The following PHF20 variants were observed in gnomAD, a reference collection of about 807,000 sequenced individuals.
PHF20 encodes PHD finger protein 20, also known as glioma-expressed antigen 2.
In PHF20, 23 loss-of-function variants were observed where a neutral mutation model predicts 113.5. That is an observed-to-expected ratio of 0.20 (90% CI 0.15 to 0.29). The LOEUF (loss-of-function observed/expected upper bound fraction) is 0.29. Among genes scored for constraint, PHF20 ranks in the 10% least tolerant of loss-of-function variants. The probability of loss-of-function intolerance (pLI) is 1.00; values close to 1 mark genes in which losing one functional copy is unlikely to be tolerated. For synonymous variants in PHF20, 434 were observed against 457.3 expected, an observed-to-expected ratio of 0.95 and a Z score of 0.65; for missense variants, 943 against 1,219.6, an observed-to-expected ratio of 0.77 and a Z score of 3.38.
chr20:35,926,886 T>G (rs916642226), intron 13 of PHF20, among the ~76,000 whole-genome samples: 3 of 152,168 alleles, frequency 2.0e-5, no homozygotes, highest in African/African-American at 7.2e-5. Flanking sequence ...CTAATTTGTT[T>G]GGTTGGGTAG....
At chr20:35,797,732 A>G (rs1408978474) in intron 1 of PHF20, among the ~76,000 whole-genome samples, 2 of 148,380 alleles carry the variant, frequency 1.3e-5, no homozygotes, top group Admixed American at 6.7e-5. Context: ...ACTCACTGCA[A>G]CCTCCGCCTC....
chr20:35,894,474 T>C (rs6060673), intron 9 of PHF20, among the ~76,000 whole-genome samples: 39,473 of 152,100 alleles, frequency 0.26, 6,155 homozygotes, highest in African/African-American at 0.44. Flanking sequence ...TGGGATTAAA[T>C]GTTGTGCTTT....
At chr20:35,942,035 C>T (rs142382324) in intron 17 of PHF20, among the ~76,000 whole-genome samples, 1 of 152,100 alleles carries the variant, frequency 6.6e-6, no homozygotes, top group African/African-American at 2.4e-5. Context: ...TGTGGTGGCT[C>T]ACACCTATAA....
At chr20:35,884,165 A>T (rs970647920) in intron 9 of PHF20, among the ~76,000 whole-genome samples, 4 of 152,190 alleles carry the variant, frequency 2.6e-5, no homozygotes, top group South Asian at 2.1e-4. Flanking sequence ...GTATTAACGT[A>T]AGTAAGCGGA....
intron 3 of PHF20, among the ~76,000 whole-genome samples, chr20:35,846,486 C>T (rs2042626371): frequency 6.6e-6 from 1 of 152,140 alleles, no homozygotes; most frequent in Admixed American, 6.6e-5. Flanking sequence ...TTTATCAGTG[C>T]AAACTGTGTG....
intron 2 of PHF20, among the ~76,000 whole-genome samples, chr20:35,829,946 C>T (rs1029526836): frequency 7.9e-5 from 12 of 151,068 alleles, no homozygotes; most frequent in Non-Finnish European, 1.6e-4. Context: ...TGGAGTTTCG[C>T]TCTGTCACCT....
At chr20:35,911,993 T>C (rs111342740) in intron 10 of PHF20, among the ~76,000 whole-genome samples, 8,535 of 148,034 alleles carry the variant, frequency 0.058, 382 homozygotes, top group African/African-American at 0.13. Context: ...TTTTTTTTTT[T>C]TTCTTTGAGA....
At chr20:35,946,217 C>T (rs1439138045) in intron 17 of PHF20, among the ~76,000 whole-genome samples, 1 of 150,878 alleles carries the variant, frequency 6.6e-6, no homozygotes, top group Non-Finnish European at 1.5e-5. Context: ...GCCTGTAATC[C>T]TAGCAGTTTG....
chr20:35,845,613 C>G (rs1362545328), intron 3 of PHF20: 1 of 157,440 alleles, frequency 6.4e-6, no homozygotes, highest in African/African-American at 2.4e-5. Context: ...AGGGATCTTT[C>G]TGCCAAAGAA....
At chr20:35,919,521 G>A (rs1279740125) in intron 13 of PHF20, among the ~76,000 whole-genome samples, 1 of 152,016 alleles carries the variant, frequency 6.6e-6, no homozygotes. Flanking sequence ...TGTATTTTTA[G>A]TAGAGACGGT....
intron 2 of PHF20, among the ~76,000 whole-genome samples, chr20:35,815,991 C>T (rs1417500832): frequency 6.6e-6 from 1 of 152,140 alleles, no homozygotes; most frequent in East Asian, 1.9e-4. Flanking sequence ...GAGACCCGCT[C>T]AGTCCCCCAG....
intron 10 of PHF20, among the ~76,000 whole-genome samples, chr20:35,911,141 C>T (rs1364613058): frequency 2.6e-5 from 4 of 151,336 alleles, no homozygotes; most frequent in Non-Finnish European, 5.9e-5. Flanking sequence ...CCTGGGTTCA[C>T]GCCATTCTCC....
At chr20:35,901,329 C>T (rs1001498916) in intron 10 of PHF20, among the ~76,000 whole-genome samples, 3 of 150,400 alleles carry the variant, frequency 2.0e-5, no homozygotes, top group African/African-American at 4.9e-5. Context: ...GCAGGAGAAT[C>T]GCTTGAACCT....
chr20:35,838,210 C>T, intron 2 of PHF20: 1 of 152,226 alleles, frequency 6.6e-6, no homozygotes, highest in East Asian at 1.9e-4. Flanking sequence ...CTGAGGTTGC[C>T]AACTTTTAAT....
At chr20:35,861,990 A>G (rs569820238) in intron 5 of PHF20, among the ~76,000 whole-genome samples, 2 of 152,322 alleles carry the variant, frequency 1.3e-5, no homozygotes, top group Admixed American at 6.5e-5. Context: ...AGATATGTAC[A>G]CAAATAAACT....
At chr20:35,800,595 AC>A (rs1197108888) in intron 1 of PHF20, among the ~76,000 whole-genome samples, 1 of 152,112 alleles carries the variant, frequency 6.6e-6, no homozygotes, top group Non-Finnish European at 1.5e-5. Context: ...ACATGGTGAA[AC>A]CCAATCTCTA....
chr20:35,924,172 ATTTTCTTTTC>A (rs1011869443), intron 13 of PHF20, among the ~76,000 whole-genome samples: 14 of 135,858 alleles, frequency 1.0e-4, no homozygotes, highest in Non-Finnish European at 1.8e-4. Flanking sequence ...TATGTATAGT[ATTTTCTTTTC>A]TTTTCTTTTC....
At chr20:35,893,164 G>T (rs1190116749) in intron 9 of PHF20, among the ~76,000 whole-genome samples, 2 of 152,220 alleles carry the variant, frequency 1.3e-5, no homozygotes, top group African/African-American at 4.8e-5. Context: ...TTGCTTAGCT[G>T]TGAGGAATCA....
chr20:35,877,291 A>AAG (rs1369059846), intron 9 of PHF20, among the ~76,000 whole-genome samples: 1 of 148,046 alleles, frequency 6.8e-6, no homozygotes, highest in African/African-American at 2.5e-5. Flanking sequence ...AAAAAAAAAA[A>AAG]AAAAAAAAAA....
Sources: gnomAD v4.1 joint callset for allele counts (sites outside exome capture counted in the v4.1 genomes callset) on GRCh38, gnomAD v4.1.1 for gene constraint, MANE v1.5 for transcripts, NCBI Gene and HGNC (gene_info 2026-07-23, HGNC 2026-07-21) for gene names.